Variants in GLDC observed in about 807,000 individuals in gnomAD.
GLDC encodes the protein glycine dehydrogenase (decarboxylating), mitochondrial.
GLDC carries 104 observed loss-of-function variants against 121.3 expected under a neutral mutation model. That is an observed-to-expected ratio of 0.86 (90% confidence interval 0.73 to 1.01). GLDC has a LOEUF of 1.01. Among genes scored for constraint, GLDC ranks in the 50% least tolerant of loss-of-function variants. The pLI is 0.00. For missense variants in GLDC, 1,429 were observed against 1,306.6 expected (o/e 1.09, Z -1.44); for synonymous variants, 546 against 480.6 (o/e 1.14, Z -1.78).
chr9:6,641,807 T>C (rs1352254306), intron 2 of GLDC, among the ~76,000 whole-genome samples: 1 of 152,214 alleles, frequency 6.6e-6, no homozygotes, highest in East Asian at 1.9e-4. Flanking sequence ...AATGAAGACA[T>C]TTAACACTCC....
At chr9:6,620,532 G>GC (rs552470429) in intron 2 of GLDC, among the ~76,000 whole-genome samples, 42 of 150,212 alleles carry the variant, frequency 2.8e-4, no homozygotes, top group African/African-American at 9.0e-4. Flanking sequence ...CTCAAGGTTG[G>GC]CCCCCCCATC....
intron 2 of GLDC, among the ~76,000 whole-genome samples, chr9:6,622,146 CCACACACACACAGACA>C (rs1819110241): frequency 8.5e-6 from 1 of 117,576 alleles, no homozygotes; most frequent in Non-Finnish European, 1.7e-5. Context: ...TCACCCTCCA[CCACACACACACAGACA>C]CACACACACA....
chr9:6,555,879 C>G (rs1175828521), intron 18 of GLDC, among the ~76,000 whole-genome samples: 1 of 152,144 alleles, frequency 6.6e-6, no homozygotes. Context: ...TGCAGGGGCT[C>G]CCAACAGCAT....
chr9:6,536,034 A>C, intron 23 of GLDC, 30 bp downstream of exon 23: 1 of 1,593,310 alleles, frequency 6.3e-7, no homozygotes, highest in Non-Finnish European at 8.6e-7. Context: ...TTTAAGGAAC[A>C]TTTCAAGCAA....
chr9:6,554,253 A>C (rs1303466398), intron 19 of GLDC, among the ~76,000 whole-genome samples: 2 of 152,114 alleles, frequency 1.3e-5, no homozygotes. Context: ...ACTTATCTCA[A>C]CACCTTACAT....
intron 2 of GLDC, among the ~76,000 whole-genome samples, chr9:6,634,021 G>C (rs1355703395): frequency 6.6e-6 from 1 of 151,354 alleles, no homozygotes; most frequent in Non-Finnish European, 1.5e-5. Context: ...TAGTAGAGAC[G>C]GGGTTTCACC....
chr9:6,561,985 T>G (rs977838615), intron 16 of GLDC, among the ~76,000 whole-genome samples: 11 of 152,364 alleles, frequency 7.2e-5, no homozygotes, highest in African/African-American at 2.6e-4. Context: ...TTTGTTGATT[T>G]ACATATAACA....
rs561433096 is a variant in GLDC, at chr9:6,574,923, A to T, written c.1851-9494T>A. Among the ~76,000 whole-genome samples the T allele has an allele frequency of 4.6e-5, 7 of 152,202 alleles. No homozygotes were observed. The South Asian group carries it at 8.3e-4, about 18-fold the overall frequency. On this transcript the variant is annotated intron_variant, in intron 15 of 24. Transcript: ENST00000321612. ...CCCTCCCTGCACTAAATTATTTGTG[A>T]TATGCATATGATAGCCACATCCATC...
chr9:6,645,417 G>C lies in GLDC; in HGVS notation c.83C>G (p.Pro28Arg). 3.0e-6 allele frequency: 4 copies of C among 1,354,490 alleles called. No individual in the cohort carries two copies. Among genetic ancestry groups the C allele is most frequent in the Non-Finnish European group, 2.8e-6 (3 of 1,056,306 alleles). 83.9% of individuals were successfully genotyped at this position (1,354,490 alleles called of 1,614,324 possible). A position where few individuals can be genotyped will look rare whatever the true frequency, so the allele number is the denominator to read the frequency against. The change falls in exon 1 of 25, where the codon CCG (proline) becomes CGG (arginine). Residue 28 changes from proline (P) to arginine (R), a missense_variant. Physicochemically the swap from Pro to Arg is moderately radical, Grantham distance 103. Coordinates refer to ENST00000321612, the MANE Select transcript of GLDC (RefSeq NM_000170.3). The stretch of plus-strand genomic sequence containing the variant: ...GTCCCGGCTCCGCGGCGCCCAGCAC[G>C]GCCCCGATCCCCCAGCCAGGCGGCG... ...GGRRLAGGSG[P>R]CWAPRSRDSS...
At chr9:6,641,444 G>A (rs1467824410) in intron 2 of GLDC, among the ~76,000 whole-genome samples, 1 of 152,210 alleles carries the variant, frequency 6.6e-6, no homozygotes, top group Non-Finnish European at 1.5e-5. Flanking sequence ...CAGGACAGAA[G>A]TTTTCCACTT....
At chr9:6,562,301 T>C (rs1817773477) in intron 16 of GLDC, among the ~76,000 whole-genome samples, 1 of 152,166 alleles carries the variant, frequency 6.6e-6, no homozygotes, top group Admixed American at 6.5e-5. Flanking sequence ...AGAGAAAATG[T>C]GAAAATAACT....
At position 6,595,254 on chromosome 9, in the gene GLDC, T is replaced by G; in HGVS notation, c.1156-135A>C. 8.1e-6 allele frequency: 6 copies of G among 743,504 alleles called. No homozygotes were observed. The South Asian group carries it at 8.5e-5, about 11-fold the overall frequency. 46.1% of individuals were successfully genotyped at this position (743,504 alleles called of 1,614,324 possible). A position where few individuals can be genotyped will look rare whatever the true frequency, so the allele number is the denominator to read the frequency against. ...TCAGATTTCCTACATTCTTTGATAGTTGGGGACAATTAATATATAACCTGC... is the reference window on the plus strand; with the variant it reads ...TCAGATTTCCTACATTCTTTGATAGGTGGGGACAATTAATATATAACCTGC... On this transcript the variant is annotated intron_variant, in intron 8 of 24. Transcript: ENST00000321612.
rs35336879 is a variant in GLDC at position 6,541,924 on chromosome 9, GAA to G, written c.2570-1780_2570-1779del. On this transcript the variant is annotated intron_variant, in intron 21 of 24. Coordinates refer to ENST00000321612, the MANE Select transcript of GLDC (RefSeq NM_000170.3). ...TGCATATTTTTAAACCACGCTTGAAGAAAAAAAAAAAAAACTTCAAAAACATT... is the reference window on the plus strand; with the variant it reads ...TGCATATTTTTAAACCACGCTTGAAGAAAAAAAAAAAACTTCAAAAACATT... 372 of 143,300 alleles carry G rather than the reference GAA, an allele frequency of 2.6e-3. 6 individuals carry two copies. The East Asian group carries it at 0.051, about 19-fold the overall frequency. 8.9% of individuals were successfully genotyped at this position (143,300 alleles called of 1,614,324 possible).
intron 11 of GLDC, among the ~76,000 whole-genome samples, chr9:6,591,458 G>A (rs190765314): frequency 6.6e-6 from 1 of 152,124 alleles, no homozygotes; most frequent in African/African-American, 2.4e-5. Context: ...TGTCTTCAGG[G>A]CCTAGCATAG....
At chr9:6,568,241 G>A (rs1296551495) in intron 15 of GLDC, among the ~76,000 whole-genome samples, 1 of 152,050 alleles carries the variant, frequency 6.6e-6, no homozygotes, top group Non-Finnish European at 1.5e-5. Flanking sequence ...AATCAGCTAT[G>A]TTTCAACCCA....
intron 20 of GLDC, among the ~76,000 whole-genome samples, chr9:6,552,751 G>A (rs1179589175): frequency 2.0e-5 from 3 of 152,114 alleles, no homozygotes; most frequent in Non-Finnish European, 1.5e-5. Context: ...AGGGCAGTGT[G>A]AACAAGAACT....
At chr9:6,602,987 G>A (rs1043825935) in intron 7 of GLDC, among the ~76,000 whole-genome samples, 2 of 152,002 alleles carry the variant, frequency 1.3e-5, no homozygotes, top group African/African-American at 2.4e-5. Flanking sequence ...CAGCACTTTG[G>A]GGGGCCAAGG....
intron 7 of GLDC, among the ~76,000 whole-genome samples, chr9:6,603,558 AAATTTT>A (rs1240903700): frequency 0.018 from 2,778 of 151,710 alleles, 79 homozygotes; most frequent in African/African-American, 0.063. Flanking sequence ...TAAATAAATA[AAATTTT>A]AAAAAAACAC....
chr9:6,624,331 C>T (rs1010729425), intron 2 of GLDC, among the ~76,000 whole-genome samples: 1 of 152,168 alleles, frequency 6.6e-6, no homozygotes, highest in South Asian at 2.1e-4. Context: ...GGATTAGGGT[C>T]AGCCGTAATC....
Sources: gnomAD v4.1 joint callset for allele counts (sites outside exome capture counted in the v4.1 genomes callset) on GRCh38, gnomAD v4.1.1 for gene constraint, MANE v1.5 for transcripts, NCBI Gene and HGNC (gene_info 2026-07-23, HGNC 2026-07-21) for gene names.